Variants in TRIB2 observed in about 807,000 individuals in gnomAD.
TRIB2 encodes the protein tribbles homolog 2.
TRIB2 carries 2 observed loss-of-function variants against 26.8 expected under a neutral mutation model. The observed-to-expected ratio is 0.07, with a 90% confidence interval of 0.03 to 0.24. The LOEUF (loss-of-function observed/expected upper bound fraction) is 0.24, where lower values mean the gene tolerates loss of function less well. Among genes scored for constraint, TRIB2 ranks in the 10% least tolerant of loss-of-function variants. The pLI, the probability that TRIB2 is intolerant of heterozygous loss-of-function variation, is 1.00. For missense variants in TRIB2, 306 were observed against 449.0 expected (o/e 0.68, Z 2.88); for synonymous variants, 189 against 187.3 (o/e 1.01, Z -0.08).
At position 12,717,750 on chromosome 2, in the gene TRIB2, G is replaced by A. The variant is rs988870364; in HGVS notation, c.-558G>A. On this transcript the variant is annotated 5_prime_UTR_variant, in exon 1 of 3. Transcript: ENST00000155926. This position sits in a 1 kb window ranked among gnomAD's most constrained non-coding sequence, Gnocchi z 4.8. ...CCCCCACCCTTTCCACCAAAAAAAG[G>A]GGGTGCAGCGCGGATTCTGGCTGCC... 5.5e-6 allele frequency: 2 copies of A among 360,590 alleles called. No individual in the cohort carries two copies. Among genetic ancestry groups the A allele is most frequent in the Non-Finnish European group, 9.8e-6 (2 of 203,072 alleles). The allele number at this position is 360,590 out of a possible 1,614,324, so 22.3% of individuals were successfully genotyped here.
intron 2 of TRIB2, among the ~76,000 whole-genome samples, chr2:12,725,659 T>C (rs1661325995): frequency 6.6e-6 from 1 of 152,262 alleles, no homozygotes; most frequent in South Asian, 2.1e-4. Flanking sequence ...CGAAAGAGCA[T>C]GACCCTGTCC....
intron 2 of TRIB2, among the ~76,000 whole-genome samples, chr2:12,737,198 T>C (rs1406080184): frequency 6.6e-6 from 1 of 152,240 alleles, no homozygotes; most frequent in Non-Finnish European, 1.5e-5. Flanking sequence ...GGGCAAAACC[T>C]GGGCCCTTTG....
intron 2 of TRIB2, among the ~76,000 whole-genome samples, chr2:12,739,212 G>A (rs1181192647): frequency 6.6e-6 from 1 of 152,116 alleles, no homozygotes; most frequent in African/African-American, 2.4e-5. Context: ...GGAGTATGAG[G>A]GGCAGGACAG....
intron 1 of TRIB2, among the ~76,000 whole-genome samples, chr2:12,720,203 C>T (rs928214385): frequency 1.2e-4 from 19 of 152,364 alleles, no homozygotes; most frequent in Admixed American, 6.5e-4. Flanking sequence ...TCTGCTCATT[C>T]TTTCTCCAGA....
At chr2:12,724,548 C>T in intron 2 of TRIB2, 1 of 1,539,214 alleles carries the variant, frequency 6.5e-7, no homozygotes, top group Non-Finnish European at 8.7e-7. Flanking sequence ...AATGCCTTTA[C>T]CTTTATTAAC....
Position 12,717,341 on chromosome 2 carries a change from G to A in TRIB2, c.-967G>A, listed in dbSNP as rs1572475524. ...CGCAGCTCCCCTTGCAGCGCCCGCAGGACCCCCGCAAGCTCGTGCCGGCGA... is the reference window on the plus strand; with the variant it reads ...CGCAGCTCCCCTTGCAGCGCCCGCAAGACCCCCGCAAGCTCGTGCCGGCGA... On this transcript the variant is annotated 5_prime_UTR_variant, in exon 1 of 3. Coordinates refer to ENST00000155926, the MANE Select transcript of TRIB2 (RefSeq NM_021643.4). The surrounding 1 kb of genome is among the most constrained non-coding windows in gnomAD (Gnocchi z 4.8). 1.0e-5 allele frequency: 4 copies of A among 398,422 alleles called. No homozygotes were observed. Among genetic ancestry groups the A allele is most frequent in the South Asian group, 1.3e-4 (1 of 7,856 alleles). The allele number at this position is 398,422 out of a possible 1,614,324, so 24.7% of individuals were successfully genotyped here.
intron 2 of TRIB2, among the ~76,000 whole-genome samples, chr2:12,726,879 C>T (rs569348979): frequency 6.6e-6 from 1 of 152,208 alleles, no homozygotes; most frequent in Non-Finnish European, 1.5e-5. Context: ...GGGCTGACTC[C>T]TTGTGCCTAA....
chr2:12,734,479 C>G (rs1294122119), intron 2 of TRIB2, among the ~76,000 whole-genome samples: 1 of 152,096 alleles, frequency 6.6e-6, no homozygotes, highest in East Asian at 1.9e-4. Flanking sequence ...CGGCCGTATG[C>G]TGGGGACTTG....
intron 2 of TRIB2, among the ~76,000 whole-genome samples, chr2:12,726,289 C>T (rs1289998402): frequency 6.6e-6 from 1 of 152,218 alleles, no homozygotes; most frequent in African/African-American, 2.4e-5. Context: ...TGTATTTTAA[C>T]CTCTCGATTC....
chr2:12,730,078 C>T (rs937856781), intron 2 of TRIB2, among the ~76,000 whole-genome samples: 2 of 152,140 alleles, frequency 1.3e-5, no homozygotes, highest in African/African-American at 4.8e-5. Flanking sequence ...ATTCTTGGTG[C>T]TGGGGACACT....
In TRIB2 at chr2:12,717,490, G is replaced by T; in HGVS notation, c.-818G>T. ...TGCTGACCTCCGCGCGGCGGGCCGA[G>T]CCCAGGGCTTTGTCGCGGTACCTGC... On this transcript the variant is annotated 5_prime_UTR_variant, in exon 1 of 3. Transcript: ENST00000155926. This position sits in a 1 kb window ranked among gnomAD's most constrained non-coding sequence, Gnocchi z 4.8. The T allele has an allele frequency of 2.5e-6, 1 of 398,438 alleles. No individual in the cohort carries two copies. The highest frequency in any genetic ancestry group is 4.4e-6 in the Non-Finnish European group (1 of 225,888). 24.7% of individuals were successfully genotyped at this position (398,438 alleles called of 1,614,324 possible).
chr2:12,732,242 G>A lies in TRIB2; in HGVS notation c.564-8084G>A, dbSNP rs539052236. 2.6e-5 allele frequency among the ~76,000 whole-genome samples: 4 copies of A among 152,296 alleles called. No homozygotes were observed. In the East Asian group the frequency reaches 7.7e-4, roughly 29 times the overall value. ...GAATGTGCACCTGCATGCGGACAGGGCAGGGATTCCGTCGTGGCCGGGTAG... is the reference window on the plus strand; with the variant it reads ...GAATGTGCACCTGCATGCGGACAGGACAGGGATTCCGTCGTGGCCGGGTAG... On this transcript the variant is annotated intron_variant, in intron 2 of 2. Transcript: ENST00000155926. This position sits in a 1 kb window ranked among gnomAD's most constrained non-coding sequence, Gnocchi z 4.2.
chr2:12,733,052 T>C (rs1661490337), intron 2 of TRIB2, among the ~76,000 whole-genome samples: 1 of 148,976 alleles, frequency 6.7e-6, no homozygotes, highest in Non-Finnish European at 1.5e-5. Flanking sequence ...CCCACAGTGC[T>C]GTTTAAAGAT....
chr2:12,719,133 G>T (rs545771566), intron 1 of TRIB2, among the ~76,000 whole-genome samples: 5 of 152,278 alleles, frequency 3.3e-5, no homozygotes, highest in African/African-American at 1.2e-4. Flanking sequence ...TCTGCCTGGA[G>T]CCTTGAAAGG....
At position 12,734,760 on chromosome 2, in the gene TRIB2, A is replaced by G. The variant is rs563028383; in HGVS notation, c.564-5566A>G. On this transcript the variant is annotated intron_variant, in intron 2 of 2. Transcript: ENST00000155926. ...TAAATGCTCGGTAAATGTCTTTTAC[A>G]TGCCTGCATGACTAGTGGGACATTT... Among the ~76,000 whole-genome samples the G allele has an allele frequency of 2.6e-4, 40 of 152,322 alleles. 1 individual carries two copies. Among genetic ancestry groups the G allele is most frequent in the African/African-American group, 8.7e-4 (36 of 41,578 alleles).
In TRIB2 at chr2:12,729,604, G is replaced by A. The variant is rs73199189; in HGVS notation, c.563+6052G>A. On this transcript the variant is annotated intron_variant, in intron 2 of 2. Coordinates refer to ENST00000155926, the MANE Select transcript of TRIB2 (RefSeq NM_021643.4). ...ACATTTATTTAAGACATTGTTTTCA[G>A]TGTCTATGGCAGGCTGTAATTTTAT... Among the ~76,000 whole-genome samples the A allele has an allele frequency of 5.4e-3, 819 of 152,288 alleles. 7 individuals are homozygous for A. Among genetic ancestry groups the A allele is most frequent in the African/African-American group, 0.018 (764 of 41,556 alleles).
chr2:12,733,714 A>G (rs908303845), intron 2 of TRIB2, among the ~76,000 whole-genome samples: 15 of 152,202 alleles, frequency 9.9e-5, no homozygotes, highest in Non-Finnish European at 1.6e-4. Flanking sequence ...GAATTAAAGG[A>G]AACTTTAAAA....
chr2:12,718,687 C>CT lies in TRIB2; in HGVS notation c.270+112dup, dbSNP rs1666654706. ...AGATTCGCGGGATAATTACCGTGGC[C>CT]TTATTAAATGGGTTTATTTATTTAT... On this transcript the variant is annotated intron_variant, in intron 1 of 2. Transcript: ENST00000155926. The surrounding 1 kb of genome is among the most constrained non-coding windows in gnomAD (Gnocchi z 4.0). 1 of 1,379,218 alleles carries CT rather than the reference C, an allele frequency of 7.3e-7. No homozygotes were observed. Among genetic ancestry groups the CT allele is most frequent in the African/African-American group, 1.5e-5 (1 of 68,462 alleles). 85.4% of individuals were successfully genotyped at this position (1,379,218 alleles called of 1,614,324 possible).
At chr2:12,719,864 G>A (rs1661156623) in intron 1 of TRIB2, among the ~76,000 whole-genome samples, 1 of 152,082 alleles carries the variant, frequency 6.6e-6, no homozygotes, top group African/African-American at 2.4e-5. Context: ...TTGGTATTTT[G>A]CATCTTCTCT....
Sources: gnomAD v4.1 joint callset for allele counts (sites outside exome capture counted in the v4.1 genomes callset) on GRCh38, gnomAD v4.1.1 for gene constraint, Gnocchi (gnomAD v3.1) non-coding constraint, MANE v1.5 for transcripts, NCBI Gene and HGNC (gene_info 2026-07-23, HGNC 2026-07-21) for gene names.